RABGAP1L: variants seen among roughly 807,000 people sequenced by gnomAD.
RABGAP1L encodes the protein RAB GTPase activating protein 1 like.
A neutral mutation model predicts 137.7 loss-of-function variants in RABGAP1L; 63 were observed. That is an observed-to-expected ratio of 0.46 (90% CI 0.37 to 0.56). The LOEUF (loss-of-function observed/expected upper bound fraction) is 0.56. Among genes scored for constraint, RABGAP1L ranks in the 20% least tolerant of loss-of-function variants. The pLI is 0.00. For synonymous variants in RABGAP1L, 431 were observed against 433.7 expected (o/e 0.99, Z 0.08); for missense variants, 1,095 against 1,244.0 (o/e 0.88, Z 1.80).
At chr1:174,282,580 T>G (rs1045133000) in intron 10 of RABGAP1L, among the ~76,000 whole-genome samples, 17 of 152,334 alleles carry the variant, frequency 1.1e-4, no homozygotes, top group African/African-American at 3.8e-4. Flanking sequence ...GCCTTTTTAT[T>G]TTCATAATGT....
At chr1:174,273,823 C>G (rs916824461) in intron 8 of RABGAP1L, among the ~76,000 whole-genome samples, 4 of 152,140 alleles carry the variant, frequency 2.6e-5, no homozygotes, top group Admixed American at 1.3e-4. Flanking sequence ...CTATGTCTCT[C>G]TAACTTTCAG....
chr1:174,854,670 A>G (rs142712037), intron 19 of RABGAP1L, among the ~76,000 whole-genome samples: 1 of 147,956 alleles, frequency 6.8e-6, no homozygotes, highest in East Asian at 2.0e-4. Flanking sequence ...TGAAAAAAAA[A>G]CTTTTACCTT....
Position 174,176,713 on chromosome 1 carries a change from G to GAAAAAAAAAAAAAAA in RABGAP1L, c.-34+17075_-34+17089dup, listed in dbSNP as rs71563251. Among the ~76,000 whole-genome samples, 10 of 21,550 alleles carry GAAAAAAAAAAAAAAA rather than the reference G, an allele frequency of 4.6e-4. 1 individual carries two copies. Among genetic ancestry groups the GAAAAAAAAAAAAAAA allele is most frequent in the African/African-American group, 1.4e-3 (10 of 6,934 alleles). The allele number at this position is 21,550 out of a possible 152,430, so 14.1% of individuals were successfully genotyped here. A position where few individuals can be genotyped will look rare whatever the true frequency, so the allele number is the denominator to read the frequency against. On this transcript the variant is annotated intron_variant, in intron 1 of 25. Transcript: ENST00000681986. ...GACAACAGAGGGAGACCCTTTTTCA[G>GAAAAAAAAAAAAAAA]AAAAAAAAAAAAAAAAAAAAAAAAA...
intron 5 of RABGAP1L, among the ~76,000 whole-genome samples, chr1:174,249,768 G>A (rs1419041473): frequency 3.3e-5 from 5 of 151,646 alleles, no homozygotes; most frequent in Non-Finnish European, 1.5e-5. Flanking sequence ...TCAGCCTCCC[G>A]AGTAGCTAGG....
chr1:174,632,940 C>A (rs1256523113), intron 13 of RABGAP1L, among the ~76,000 whole-genome samples: 1 of 152,030 alleles, frequency 6.6e-6, no homozygotes, highest in Non-Finnish European at 1.5e-5. Flanking sequence ...TGGTGAGGAA[C>A]TGCGTTCCTT....
chr1:174,985,444 G>A (rs1037640762), intron 24 of RABGAP1L, among the ~76,000 whole-genome samples: 3 of 152,118 alleles, frequency 2.0e-5, no homozygotes, highest in South Asian at 2.1e-4. Context: ...TGATAAGGTC[G>A]CAAACAGGTA....
At chr1:174,898,216 G>A (rs1179355233) in intron 19 of RABGAP1L, among the ~76,000 whole-genome samples, 1 of 152,136 alleles carries the variant, frequency 6.6e-6, no homozygotes, top group Non-Finnish European at 1.5e-5. Flanking sequence ...GTTTGATGAG[G>A]TAAGTACAGT....
intron 19 of RABGAP1L, chr1:174,935,388 T>C (rs181405167): frequency 4.9e-4 from 75 of 152,326 alleles, no homozygotes; most frequent in African/African-American, 1.7e-3. Flanking sequence ...TATAAACATA[T>C]ACCCACTCAC....
At position 174,644,691 on chromosome 1, in the gene RABGAP1L, T is replaced by C. The variant is rs536077110; in HGVS notation, c.1824+7203T>C. 4.9e-4 allele frequency among the ~76,000 whole-genome samples: 75 copies of C among 152,222 alleles called. 1 individual carries two copies. The highest frequency in any genetic ancestry group is 9.0e-4 in the Non-Finnish European group (61 of 68,012). ...GGCTTAAATATCCTAGACAAAAACTTGTAGTTGTTCTTGAATGGATTATTT... is the reference window on the plus strand; with the variant it reads ...GGCTTAAATATCCTAGACAAAAACTCGTAGTTGTTCTTGAATGGATTATTT... On this transcript the variant is annotated intron_variant, in intron 14 of 25. Coordinates refer to ENST00000681986, the MANE Select transcript of RABGAP1L (RefSeq NM_001366446.1).
chr1:174,359,561 C>G (rs1035956285), intron 11 of RABGAP1L, among the ~76,000 whole-genome samples: 7 of 152,162 alleles, frequency 4.6e-5, no homozygotes, highest in Non-Finnish European at 7.4e-5. Context: ...ATGCGCCTAG[C>G]TTTTCTATTT....
chr1:174,520,881 G>T (rs748278324), intron 13 of RABGAP1L, among the ~76,000 whole-genome samples: 10 of 152,022 alleles, frequency 6.6e-5, no homozygotes, highest in Non-Finnish European at 1.2e-4. Context: ...CATGCCTATA[G>T]TCCCAGCTAC....
intron 18 of RABGAP1L, among the ~76,000 whole-genome samples, chr1:174,768,044 G>C (rs545489463): frequency 6.6e-6 from 1 of 152,292 alleles, no homozygotes; most frequent in Non-Finnish European, 1.5e-5. Flanking sequence ...CACAACACAT[G>C]GGAATTATGC....
At chr1:174,313,739 A>G (rs903873915) in intron 11 of RABGAP1L, among the ~76,000 whole-genome samples, 1 of 152,122 alleles carries the variant, frequency 6.6e-6, no homozygotes, top group Admixed American at 6.6e-5. Context: ...GTGGAATTTT[A>G]TCAAATGCTT....
chr1:174,878,922 A>ATTT (rs1553270633), intron 19 of RABGAP1L, among the ~76,000 whole-genome samples: 1 of 105,346 alleles, frequency 9.5e-6, no homozygotes, highest in Admixed American at 9.6e-5. Context: ...TTTTTTGTGC[A>ATTT]TTGTTTTTTT....
chr1:174,228,657 G>C lies in RABGAP1L; in HGVS notation c.332-2488G>C, dbSNP rs980304446. Among the ~76,000 whole-genome samples the C allele has an allele frequency of 7.9e-5, 12 of 152,144 alleles. No homozygotes were observed. In the East Asian group the frequency reaches 1.5e-3, roughly 19 times the overall value. ...CATGGTAGATGAAGTAGTTCATTTT[G>C]AATGGCTTTAGTTCCTTAACAAAAA... On this transcript the variant is annotated intron_variant, in intron 3 of 25. Transcript: ENST00000681986.
intron 12 of RABGAP1L, among the ~76,000 whole-genome samples, chr1:174,383,958 T>C (rs975162823): frequency 7.9e-5 from 12 of 152,070 alleles, no homozygotes; most frequent in African/African-American, 2.9e-4. Context: ...TTTACCAAAG[T>C]GAAATTAAAA....
rs557456948 is a variant in RABGAP1L at position 174,200,710 on chromosome 1, G to C, written c.-33-18415G>C. 2.0e-5 allele frequency among the ~76,000 whole-genome samples: 3 copies of C among 152,190 alleles called. No individual in the cohort carries two copies. The South Asian group carries it at 6.2e-4, about 32-fold the overall frequency. ...GGGATTGAGATCATGTTTGTTTCCTGCTATATTTGTTTTCTAGTCACGTTG... is the reference window on the plus strand; with the variant it reads ...GGGATTGAGATCATGTTTGTTTCCTCCTATATTTGTTTTCTAGTCACGTTG... On this transcript the variant is annotated intron_variant, in intron 1 of 25. Transcript: ENST00000681986.
chr1:174,762,879 A>G (rs560019204), intron 18 of RABGAP1L, among the ~76,000 whole-genome samples: 85 of 125,318 alleles, frequency 6.8e-4, no homozygotes, highest in African/African-American at 2.6e-3. Flanking sequence ...CAGTGGCTCT[A>G]TCTCAGCTCA....
intron 11 of RABGAP1L, among the ~76,000 whole-genome samples, chr1:174,336,180 A>G (rs1224235053): frequency 6.6e-6 from 1 of 152,194 alleles, no homozygotes; most frequent in Non-Finnish European, 1.5e-5. Context: ...TGGTGTGATC[A>G]TGGCTCACTG....
Sources: allele counts gnomAD v4.1 joint callset (sites outside exome capture counted in the v4.1 genomes callset), GRCh38; gene constraint gnomAD v4.1.1; transcripts MANE v1.5; gene names NCBI Gene and HGNC (gene_info 2026-07-23, HGNC 2026-07-21).